The following PLD1 variants were observed in gnomAD, a reference collection of about 807,000 sequenced individuals.
PLD1 encodes choline phosphatase 1.
A neutral mutation model predicts 137.1 loss-of-function variants in PLD1; 112 were observed. That is an observed-to-expected ratio of 0.82 (90% CI 0.70 to 0.96). PLD1 has a LOEUF of 0.96. Among genes scored for constraint, PLD1 ranks in the 40% least tolerant of loss-of-function variants. The pLI is 0.00. For missense variants in PLD1, 1,321 were observed against 1,342.0 expected, an observed-to-expected ratio of 0.98 and a Z score of 0.24; for synonymous variants, 431 against 454.7, an observed-to-expected ratio of 0.95 and a Z score of 0.66.
chr3:171,676,714 CT>C lies in PLD1; in HGVS notation c.2115del (p.Ile706LeufsTer2). The C allele has an allele frequency of 1.9e-6, 3 of 1,610,864 alleles. No homozygotes were observed. Among genetic ancestry groups the C allele is most frequent in the Non-Finnish European group, 2.5e-6 (3 of 1,177,026 alleles). On this transcript the variant is annotated frameshift_variant and splice_region_variant, in exon 18 of 27. Coordinates refer to ENST00000351298, the MANE Select transcript of PLD1 (RefSeq NM_002662.5). LOFTEE classifies it high-confidence loss of function. ...RHFIQRWNFT[K>X]IMKSKYRSLS... The stretch of plus-strand genomic sequence containing the variant: ...AAATCATGATAGCAACATCCAAGTA[CT>C]TTTGTGAAGTTCCAGCGCTGGATGA...
intron 1 of PLD1, among the ~76,000 whole-genome samples, chr3:171,772,056 T>C (rs1722384710): frequency 6.6e-6 from 1 of 152,262 alleles, no homozygotes; most frequent in Non-Finnish European, 1.5e-5. Context: ...AAGAAATTTA[T>C]GTTTCATTCT....
rs962682152 is a variant in PLD1, at chr3:171,737,883, C to T, written c.160+9G>A. ...TCTTTTCTTCCCCGCTCAGATCATC[C>T]GTCTTTACCTTCTTGTATCTTGGGA... is the stretch of plus-strand genomic sequence containing the variant. On this transcript the variant is annotated intron_variant, in intron 2 of 26. Coordinates refer to ENST00000351298, the MANE Select transcript of PLD1 (RefSeq NM_002662.5). The T allele has an allele frequency of 6.2e-6, 10 of 1,610,982 alleles. No homozygotes were observed. Among genetic ancestry groups the T allele is most frequent in the East Asian group, 2.2e-5 (1 of 44,886 alleles).
chr3:171,651,191 T>G (rs1736734158), intron 21 of PLD1, among the ~76,000 whole-genome samples: 1 of 152,166 alleles, frequency 6.6e-6, no homozygotes, highest in African/African-American at 2.4e-5. Flanking sequence ...ACACTTTATT[T>G]TTTTGAGAAT....
At chr3:171,687,791 A>G (rs1353241882) in intron 14 of PLD1, among the ~76,000 whole-genome samples, 3 of 152,144 alleles carry the variant, frequency 2.0e-5, no homozygotes, top group Non-Finnish European at 4.4e-5. Context: ...GAGTTCTGCT[A>G]TGGTCTTTTT....
intron 24 of PLD1, among the ~76,000 whole-genome samples, chr3:171,614,732 G>A (rs1350782973): frequency 7.9e-5 from 12 of 152,220 alleles, no homozygotes; most frequent in Admixed American, 7.8e-4. Flanking sequence ...AGCAGAGGCC[G>A]CTGTCAGGCG....
intron 23 of PLD1, among the ~76,000 whole-genome samples, chr3:171,633,151 CTA>C (rs1180185645): frequency 6.6e-6 from 1 of 152,036 alleles, no homozygotes; most frequent in Non-Finnish European, 1.5e-5. Flanking sequence ...ACCATGAACT[CTA>C]TACGGAAAGA....
At position 171,735,551 on chromosome 3, in the gene PLD1, T is replaced by C; in HGVS notation, c.375A>G (p.Glu125=). The C allele has an allele frequency of 6.2e-7, 1 of 1,611,846 alleles. No individual in the cohort carries two copies. The highest frequency in any genetic ancestry group is 8.5e-7 in the Non-Finnish European group (1 of 1,177,904). Residue 125 remains glutamate (E), a synonymous_variant, in exon 4 of 27, where the codon GAA becomes GAG. Transcript: ENST00000351298. ...TGTACTTGAGCAGCTCTCTGTGAAA[T>C]TCTTGAAAATGCTTGAATTTCCTCT... The part of the protein sequence containing the change: ...QVKRKFKHFQ[E]FHRELLKYKA...
chr3:171,638,672 TCAG>T (rs1460872231), intron 23 of PLD1, among the ~76,000 whole-genome samples: 2 of 152,212 alleles, frequency 1.3e-5, no homozygotes, highest in Non-Finnish European at 2.9e-5. Flanking sequence ...ATTTAGAATT[TCAG>T]CTCTTTCTAG....
intron 1 of PLD1, among the ~76,000 whole-genome samples, chr3:171,757,152 C>A (rs576083476): frequency 6.6e-6 from 1 of 152,240 alleles, no homozygotes; most frequent in South Asian, 2.1e-4. Context: ...AGCAATCTAC[C>A]GACGTCTACA....
At chr3:171,706,652 T>C (rs9862429) in intron 11 of PLD1, among the ~76,000 whole-genome samples, 2,223 of 152,290 alleles carry the variant, frequency 0.015, 49 homozygotes, top group African/African-American at 0.047. Context: ...GACTGGTAGA[T>C]AACCCCACTC....
intron 1 of PLD1, among the ~76,000 whole-genome samples, chr3:171,756,723 T>C (rs552044104): frequency 6.6e-6 from 1 of 152,330 alleles, no homozygotes; most frequent in Non-Finnish European, 1.5e-5. Context: ...GTCATTGTTA[T>C]GGTACTTACA....
At chr3:171,636,547 T>C (rs1193758474) in intron 23 of PLD1, among the ~76,000 whole-genome samples, 1 of 152,166 alleles carries the variant, frequency 6.6e-6, no homozygotes, top group Non-Finnish European at 1.5e-5. Context: ...TCGAATTGTT[T>C]TCTTAATTTC....
intron 1 of PLD1, among the ~76,000 whole-genome samples, chr3:171,777,421 G>C (rs1310473709): frequency 6.6e-6 from 1 of 152,188 alleles, no homozygotes. Context: ...AACCTGGCAG[G>C]AACAAGCCCT....
At chr3:171,710,141 C>A (rs1717048646) in intron 9 of PLD1, among the ~76,000 whole-genome samples, 1 of 152,120 alleles carries the variant, frequency 6.6e-6, no homozygotes, top group Non-Finnish European at 1.5e-5. Context: ...AGGCTCACTG[C>A]AAGCTCCACC....
chr3:171,675,304 C>T (rs539570929), intron 18 of PLD1, among the ~76,000 whole-genome samples: 6 of 152,224 alleles, frequency 3.9e-5, no homozygotes, highest in Admixed American at 2.0e-4. Context: ...TTTTTAATAA[C>T]TTCATAGTAA....
chr3:171,700,738 C>T (rs538287607), intron 11 of PLD1, among the ~76,000 whole-genome samples: 2 of 152,202 alleles, frequency 1.3e-5, no homozygotes, highest in African/African-American at 2.4e-5. Flanking sequence ...GAAGGAAGGT[C>T]GGCTGATATA....
Position 171,733,579 on chromosome 3 carries a change from C to CA in PLD1, c.541-71dup, listed in dbSNP as rs1384438262. 14 of 634,664 alleles carry CA rather than the reference C, an allele frequency of 2.2e-5. No homozygotes were observed. In the East Asian group the frequency reaches 3.7e-4, roughly 17 times the overall value. The allele number at this position is 634,664 out of a possible 1,614,324, so 39.3% of individuals were successfully genotyped here. A position where few individuals can be genotyped will look rare whatever the true frequency, so the allele number is the denominator to read the frequency against. ...ATTTTTAAAAATTAAACAGTAGTGACAATGATGAGATCATCATTTTCATCT... is the reference window on the plus strand; with the variant it reads ...ATTTTTAAAAATTAAACAGTAGTGACAAATGATGAGATCATCATTTTCATCT... On this transcript the variant is annotated intron_variant, in intron 5 of 26. Coordinates refer to ENST00000351298, the MANE Select transcript of PLD1 (RefSeq NM_002662.5).
chr3:171,764,480 T>C (rs964990587), intron 1 of PLD1, among the ~76,000 whole-genome samples: 2 of 152,158 alleles, frequency 1.3e-5, no homozygotes, highest in African/African-American at 4.8e-5. Context: ...AGGTCACAAC[T>C]AATAAGCAAT....
chr3:171,668,129 C>T (rs1712346433), intron 19 of PLD1, among the ~76,000 whole-genome samples: 1 of 152,174 alleles, frequency 6.6e-6, no homozygotes, highest in Admixed American at 6.5e-5. Flanking sequence ...AGGAGTTTAG[C>T]TTACAGACTG....
Sources: gnomAD v4.1 joint callset for allele counts (sites outside exome capture counted in the v4.1 genomes callset) on GRCh38, gnomAD v4.1.1 for gene constraint, MANE v1.5 for transcripts, NCBI Gene and HGNC (gene_info 2026-07-23, HGNC 2026-07-21) for gene names.